The following CCDC73 variants were observed in gnomAD, a reference collection of about 807,000 sequenced individuals.
CCDC73 encodes the protein coiled-coil domain containing 73, also known as coiled-coil domain-containing protein 73.
CCDC73 carries 95 observed loss-of-function variants against 116.5 expected under a neutral mutation model. That is an observed-to-expected ratio of 0.82 (90% confidence interval 0.69 to 0.97). CCDC73 has a LOEUF of 0.97. CCDC73 is among the 50% of genes least tolerant of loss of function. CCDC73 has a pLI of 0.00. For missense variants in CCDC73, 1,066 were observed against 1,206.8 expected, an observed-to-expected ratio of 0.88 and a Z score of 1.73; for synonymous variants, 398 against 401.3, an observed-to-expected ratio of 0.99 and a Z score of 0.10.
At chr11:32,603,219 AT>A (rs1855300059) in intron 17 of CCDC73, 199 bp from the exon 18 acceptor site, 1 of 485,894 alleles carries the variant, frequency 2.1e-6, no homozygotes, top group Non-Finnish European at 3.6e-6. Context: ...AATCTCTAAT[AT>A]ATAACTGAAG....
upstream of CCDC73, among the ~76,000 whole-genome samples, chr11:32,798,880 G>A (rs749750040): frequency 6.8e-6 from 1 of 146,234 alleles, no homozygotes; most frequent in Non-Finnish European, 1.5e-5. Flanking sequence ...GTGGGTTTTT[G>A]TTTGGTTTTT....
intron 17 of CCDC73, among the ~76,000 whole-genome samples, chr11:32,609,058 A>G (rs920654392): frequency 6.6e-6 from 1 of 152,048 alleles, no homozygotes; most frequent in African/African-American, 2.4e-5. Flanking sequence ...TGCCGTGAAG[A>G]CCTCTGACTT....
intron 12 of CCDC73, among the ~76,000 whole-genome samples, chr11:32,649,557 A>G (rs1855808729): frequency 6.6e-6 from 1 of 152,202 alleles, no homozygotes; most frequent in South Asian, 2.1e-4. Context: ...TAGAATGAGA[A>G]TGCTCCTCAA....
intron 9 of CCDC73, among the ~76,000 whole-genome samples, chr11:32,659,770 G>A (rs948683262): frequency 5.9e-5 from 9 of 152,076 alleles, no homozygotes; most frequent in African/African-American, 2.2e-4. Context: ...CAGGCTGGTT[G>A]ACCTGGATAC....
At chr11:32,734,122 C>T (rs1173242921) in intron 2 of CCDC73, among the ~76,000 whole-genome samples, 1 of 152,142 alleles carries the variant, frequency 6.6e-6, no homozygotes, top group Non-Finnish European at 1.5e-5. Context: ...TACAAACTAC[C>T]ATCAGAGAAT....
chr11:32,653,820 A>G lies in CCDC73; in HGVS notation c.834+158T>C, dbSNP rs184524856. ...GAAAAAACTAAGGTATTTTTTAATG[A>G]AAGTATATTGAGACTGATTTTAAAA... is the stretch of plus-strand genomic sequence containing the variant. On this transcript the variant is annotated intron_variant, in intron 11 of 17. Coordinates refer to ENST00000335185, the MANE Select transcript of CCDC73 (RefSeq NM_001008391.4). Among the ~76,000 whole-genome samples the G allele has an allele frequency of 1.2e-4, 18 of 152,324 alleles. No homozygotes were observed. The Middle Eastern group carries it at 0.014, about 115-fold the overall frequency.
chr11:32,675,505 G>T (rs928977485), intron 9 of CCDC73, 60 bp downstream of exon 9: 4 of 1,058,610 alleles, frequency 3.8e-6, no homozygotes, highest in African/African-American at 1.6e-5. Flanking sequence ...TAGTAATAGC[G>T]CATAAGACTA....
At chr11:32,686,104 C>T (rs1437096632) in intron 6 of CCDC73, among the ~76,000 whole-genome samples, 1 of 146,818 alleles carries the variant, frequency 6.8e-6, no homozygotes, top group African/African-American at 2.5e-5. Context: ...ACTTAATAAG[C>T]TACTGCAATA....
the CCDC73 span, among the ~76,000 whole-genome samples, chr11:32,824,582 T>G: frequency 1.3e-5 from 2 of 152,122 alleles, no homozygotes; most frequent in Non-Finnish European, 1.5e-5. Flanking sequence ...TTCATTCACT[T>G]AAAAACCAGG....
chr11:32,673,978 T>C (rs1162683731), intron 9 of CCDC73, among the ~76,000 whole-genome samples: 1 of 152,126 alleles, frequency 6.6e-6, no homozygotes, highest in Admixed American at 6.6e-5. Flanking sequence ...CCTGAAGTTA[T>C]CTCAGAGGGA....
chr11:32,797,009 C>CAAAAAAAAAAAA, upstream of CCDC73, among the ~76,000 whole-genome samples: 1 of 74,620 alleles, frequency 1.3e-5, no homozygotes, highest in Non-Finnish European at 2.4e-5. Context: ...GAGACTGCCT[C>CAAAAAAAAAAAA]AAAAAAAAAA....
chr11:32,737,480 T>C (rs1850144189), intron 2 of CCDC73, among the ~76,000 whole-genome samples: 1 of 152,070 alleles, frequency 6.6e-6, no homozygotes, highest in South Asian at 2.1e-4. Flanking sequence ...CGTGAGGGCA[T>C]GGTGGCACAA....
chr11:32,651,032 C>G lies in CCDC73; in HGVS notation c.939+2091G>C, dbSNP rs146265310. Among the ~76,000 whole-genome samples the G allele has an allele frequency of 7.1e-3, 1,085 of 152,240 alleles. 16 individuals are homozygous for G. The highest frequency in any genetic ancestry group is 0.025 in the African/African-American group (1,046 of 41,550). Reference sequence around the variant, plus strand: ...GGGATACTTACCAGGCAAACACAGACCCTCATAAGGTGCCTAAGGGCCTCA... The same window carrying G: ...GGGATACTTACCAGGCAAACACAGAGCCTCATAAGGTGCCTAAGGGCCTCA... On this transcript the variant is annotated intron_variant, in intron 12 of 17. Coordinates refer to ENST00000335185, the MANE Select transcript of CCDC73 (RefSeq NM_001008391.4).
intron 6 of CCDC73, among the ~76,000 whole-genome samples, chr11:32,689,646 T>TA (rs1248528922): frequency 6.6e-6 from 1 of 152,048 alleles, no homozygotes; most frequent in African/African-American, 2.4e-5. Context: ...TCATTATAAA[T>TA]AAAAAACTTA....
the CCDC73 span, among the ~76,000 whole-genome samples, chr11:32,820,402 T>C: frequency 1.3e-5 from 2 of 152,156 alleles, no homozygotes; most frequent in African/African-American, 4.8e-5. Context: ...GCAATCCTCA[T>C]GCCTCAGCCT....
intron 1 of CCDC73, among the ~76,000 whole-genome samples, chr11:32,763,383 C>T (rs939171403): frequency 1.3e-5 from 2 of 152,210 alleles, no homozygotes; most frequent in Non-Finnish European, 2.9e-5. Flanking sequence ...GCCGGGTACC[C>T]CTCTGAGACA....
chr11:32,660,861 A>G (rs1427388672), intron 9 of CCDC73, among the ~76,000 whole-genome samples: 1 of 152,210 alleles, frequency 6.6e-6, no homozygotes, highest in Non-Finnish European at 1.5e-5. Flanking sequence ...AAGGGGGTAA[A>G]GAAGAAAAGC....
At chr11:32,797,655 T>G (rs553218426), upstream of CCDC73, among the ~76,000 whole-genome samples, 1 of 152,342 alleles carries the variant, frequency 6.6e-6, no homozygotes, top group Admixed American at 6.5e-5. Flanking sequence ...CCTAATAGAC[T>G]GTGAACTTTT....
chr11:32,800,752 G>A, the CCDC73 span, among the ~76,000 whole-genome samples: 25 of 152,104 alleles, frequency 1.6e-4, no homozygotes, highest in African/African-American at 5.8e-4. Flanking sequence ...GATTTAGGAC[G>A]AAGTAGGAGA....
Sources: allele counts gnomAD v4.1 joint callset (sites outside exome capture counted in the v4.1 genomes callset), GRCh38; gene constraint gnomAD v4.1.1; transcripts MANE v1.5; gene names NCBI Gene and HGNC (gene_info 2026-07-23, HGNC 2026-07-21).